The following NUP98 variants were observed in gnomAD, a reference collection of about 807,000 sequenced individuals.
The protein encoded by NUP98 is nuclear pore complex protein Nup98-Nup96.
In NUP98, 26 loss-of-function variants were observed where a neutral mutation model predicts 191.9. The ratio of observed to expected loss-of-function variants is 0.14; its 90% CI spans 0.10 to 0.19. NUP98 has a LOEUF of 0.19. Ranked by LOEUF, NUP98 falls within the 10% of genes least tolerant of loss-of-function variation. NUP98 has a pLI of 1.00. For missense variants in NUP98, 1,941 were observed against 2,178.8 expected (o/e 0.89, Z 2.17); for synonymous variants, 808 against 778.4 (o/e 1.04, Z -0.63).
At chr11:3,765,413 CTGCTTT>C (rs1335203550) in intron 8 of NUP98, among the ~76,000 whole-genome samples, 1 of 152,118 alleles carries the variant, frequency 6.6e-6, no homozygotes, top group Non-Finnish European at 1.5e-5. Context: ...TTTTTCTTTT[CTGCTTT>C]TGCTTTTGGT....
At chr11:3,773,792 C>G (rs1447724885) in intron 5 of NUP98, 53 bp from the exon 6 acceptor site, 2 of 1,024,252 alleles carry the variant, frequency 2.0e-6, no homozygotes, top group Non-Finnish European at 3.0e-6. Flanking sequence ...CATTCCTACT[C>G]TCTCAGATAC....
chr11:3,700,268 CAA>C (rs35824298), intron 24 of NUP98, among the ~76,000 whole-genome samples: 118 of 93,412 alleles, frequency 1.3e-3, no homozygotes, highest in African/African-American at 4.3e-3. Context: ...GACTCCGTCT[CAA>C]AAAAAAAAAA....
intron 15 of NUP98, among the ~76,000 whole-genome samples, chr11:3,724,558 A>G (rs1340884910): frequency 6.6e-6 from 1 of 151,596 alleles, no homozygotes; most frequent in African/African-American, 2.4e-5. Flanking sequence ...TTAGGAGGCC[A>G]AGGCGGGCAG....
chr11:3,677,880 GATA>G (rs1193010008), intron 31 of NUP98, among the ~76,000 whole-genome samples: 2 of 152,176 alleles, frequency 1.3e-5, no homozygotes, highest in African/African-American at 4.8e-5. Flanking sequence ...CTTTGATGAG[GATA>G]ATAATAGATA....
chr11:3,772,031 AG>A, intron 6 of NUP98, 103 bp from the exon 7 acceptor site: 3 of 944,452 alleles, frequency 3.2e-6, no homozygotes, highest in Non-Finnish European at 4.7e-6. Flanking sequence ...ATGTTCACAT[AG>A]GAACCATAAC....
chr11:3,757,130 T>A (rs1339679448), intron 10 of NUP98, among the ~76,000 whole-genome samples: 1 of 100,604 alleles, frequency 9.9e-6, no homozygotes, highest in East Asian at 2.4e-4. Flanking sequence ...TATATCTATA[T>A]CTATATGTGT....
chr11:3,771,965 G>A, intron 6 of NUP98, 37 bp from the exon 7 acceptor site: 1 of 1,560,876 alleles, frequency 6.4e-7, no homozygotes, highest in Non-Finnish European at 8.8e-7. Context: ...ATCTTAACAT[G>A]CAGCTAAAAA....
rs754445218 is a variant in NUP98 at position 3,771,729 on chromosome 11, C to T, written c.784+19G>A. 2.5e-6 allele frequency: 4 copies of T among 1,609,228 alleles called. No homozygotes were observed. The highest frequency in any genetic ancestry group is 1.7e-6 in the Non-Finnish European group (2 of 1,175,656). On this transcript the variant is annotated intron_variant, in intron 7 of 32. Coordinates refer to ENST00000324932, the MANE Select transcript of NUP98 (RefSeq NM_016320.5). ...TCTGTCTCTCCTCAGTATAATCTAA[C>T]ATGATATCAAGTGCTTACTAGTTCC...
intron 20 of NUP98, chr11:3,711,888 A>G (rs1590008510): frequency 6.8e-6 from 7 of 1,036,686 alleles, no homozygotes; most frequent in South Asian, 9.2e-5. Flanking sequence ...TTCAGCAGCC[A>G]TAAGAATTAT....
chr11:3,679,361 A>C, intron 31 of NUP98, 193 bp downstream of exon 31: 1 of 716,898 alleles, frequency 1.4e-6, no homozygotes, highest in Admixed American at 2.0e-5. Context: ...TAATCAACAT[A>C]AAATAGCATT....
chr11:3,770,519 G>T (rs1217847450), intron 7 of NUP98, among the ~76,000 whole-genome samples: 4 of 150,632 alleles, frequency 2.7e-5, no homozygotes, highest in African/African-American at 9.8e-5. Context: ...GAAAAAGTAG[G>T]TTAAATATAA....
chr11:3,688,760 A>G (rs532811992), intron 28 of NUP98, among the ~76,000 whole-genome samples: 1 of 147,578 alleles, frequency 6.8e-6, no homozygotes, highest in Admixed American at 6.8e-5. Flanking sequence ...ACGCCACTGC[A>G]CTCTAGACTG....
chr11:3,771,486 A>G (rs1462383130), intron 7 of NUP98, among the ~76,000 whole-genome samples: 1 of 152,132 alleles, frequency 6.6e-6, no homozygotes, highest in Admixed American at 6.6e-5. Context: ...TCCCCCAGAA[A>G]TCTGTACAAC....
At chr11:3,722,105 C>CTTTTT (rs923606079) in intron 16 of NUP98, among the ~76,000 whole-genome samples, 3 of 108,264 alleles carry the variant, frequency 2.8e-5, no homozygotes, top group East Asian at 2.8e-4. Flanking sequence ...ACCTGGAATT[C>CTTTTT]TTTTTTTTTT....
intron 12 of NUP98, among the ~76,000 whole-genome samples, chr11:3,737,809 A>G (rs1334358170): frequency 6.6e-6 from 1 of 152,212 alleles, no homozygotes; most frequent in Non-Finnish European, 1.5e-5. Context: ...GTCAATTTTA[A>G]GAGCACAGAG....
intron 28 of NUP98, among the ~76,000 whole-genome samples, chr11:3,690,839 G>A (rs1324589275): frequency 2.0e-5 from 3 of 151,432 alleles, no homozygotes; most frequent in South Asian, 2.1e-4. Flanking sequence ...ATGTACCCCC[G>A]CTAAAAAAAA....
chr11:3,709,040 A>G (rs772553591), intron 20 of NUP98, among the ~76,000 whole-genome samples: 6 of 152,250 alleles, frequency 3.9e-5, no homozygotes, highest in Non-Finnish European at 8.8e-5. Context: ...CCTCATTGAA[A>G]CAAGGCTGCC....
chr11:3,786,320 G>A (rs533155138), intron 1 of NUP98, among the ~76,000 whole-genome samples: 32 of 152,288 alleles, frequency 2.1e-4, no homozygotes, highest in African/African-American at 7.0e-4. Flanking sequence ...TGGCAAATAT[G>A]GGAGTTCTAG....
At chr11:3,700,556 G>C (rs781689518) in intron 24 of NUP98, 54 bp downstream of exon 24, 3 of 1,256,280 alleles carry the variant, frequency 2.4e-6, no homozygotes, top group Non-Finnish European at 2.3e-6. Flanking sequence ...GTGAACATAC[G>C]CTACCACCAC....
Sources: gnomAD v4.1 joint callset for allele counts (sites outside exome capture counted in the v4.1 genomes callset) on GRCh38, gnomAD v4.1.1 for gene constraint, MANE v1.5 for transcripts, NCBI Gene and HGNC (gene_info 2026-07-23, HGNC 2026-07-21) for gene names.